The following DLG2 variants were observed in gnomAD, a reference collection of about 807,000 sequenced individuals.
DLG2 encodes the protein disks large homolog 2.
A neutral mutation model predicts 132.5 loss-of-function variants in DLG2; 45 were observed. The ratio of observed to expected loss-of-function variants is 0.34; its 90% CI spans 0.27 to 0.44. The LOEUF (loss-of-function observed/expected upper bound fraction) is 0.44, where lower values mean the gene tolerates loss of function less well. Ranked by LOEUF, DLG2 falls within the 20% of genes least tolerant of loss-of-function variation. DLG2 has a pLI of 1.00. For synonymous variants in DLG2, 424 were observed against 419.6 expected, an observed-to-expected ratio of 1.01 and a Z score of -0.13; for missense variants, 1,045 against 1,196.9, an observed-to-expected ratio of 0.87 and a Z score of 1.87.
chr11:85,287,380 G>A (rs988437858), intron 3 of DLG2, among the ~76,000 whole-genome samples: 3 of 152,034 alleles, frequency 2.0e-5, no homozygotes, highest in African/African-American at 4.8e-5. Flanking sequence ...GCATTTCACA[G>A]TAAAAGAAAT....
intron 7 of DLG2, among the ~76,000 whole-genome samples, chr11:84,287,046 C>T (rs1406822540): frequency 1.3e-5 from 2 of 152,130 alleles, no homozygotes; most frequent in Non-Finnish European, 2.9e-5. Context: ...ATGTTTATGT[C>T]ATATAATTGT....
intron 18 of DLG2, among the ~76,000 whole-genome samples, chr11:83,782,913 T>C (rs2094894557): frequency 6.6e-6 from 1 of 152,206 alleles, no homozygotes; most frequent in African/African-American, 2.4e-5. Context: ...TATATTTCCT[T>C]CTGTGAAGTG....
intron 11 of DLG2, among the ~76,000 whole-genome samples, chr11:84,033,412 C>A (rs2095765324): frequency 6.6e-6 from 1 of 152,062 alleles, no homozygotes; most frequent in Non-Finnish European, 1.5e-5. Flanking sequence ...ATAAATGGAT[C>A]CTGAAGATAT....
intron 8 of DLG2, among the ~76,000 whole-genome samples, chr11:84,165,687 C>T (rs1160607002): frequency 6.6e-6 from 1 of 152,082 alleles, no homozygotes; most frequent in Non-Finnish European, 1.5e-5. Context: ...ATCACAAAAT[C>T]AGGAGTTCGA....
chr11:83,979,885 T>C (rs1291306792), intron 12 of DLG2, among the ~76,000 whole-genome samples: 2 of 152,178 alleles, frequency 1.3e-5, no homozygotes, highest in Admixed American at 1.3e-4. Context: ...AGGAGACACA[T>C]TATGTTGGAA....
chr11:84,273,429 G>A (rs1185239909), intron 7 of DLG2: 1 of 1,104,990 alleles, frequency 9.0e-7, no homozygotes, highest in Non-Finnish European at 1.2e-6. Flanking sequence ...TCTTTTGGGG[G>A]ATAACTGGGC....
intron 15 of DLG2, among the ~76,000 whole-genome samples, chr11:83,919,228 C>T (rs1053924072): frequency 1.3e-5 from 2 of 152,120 alleles, no homozygotes; most frequent in Non-Finnish European, 2.9e-5. Flanking sequence ...CAGCTGCTTT[C>T]CTCATGTCCA....
At chr11:84,003,803 T>C (rs909365060) in intron 11 of DLG2, among the ~76,000 whole-genome samples, 1 of 152,110 alleles carries the variant, frequency 6.6e-6, no homozygotes, top group South Asian at 2.1e-4. Context: ...TATCAGAGAC[T>C]ATTAGGAACA....
intron 14 of DLG2, among the ~76,000 whole-genome samples, chr11:83,941,927 A>G (rs1591511653): frequency 6.6e-6 from 1 of 152,178 alleles, no homozygotes; most frequent in African/African-American, 2.4e-5. Context: ...TACACATGGC[A>G]CCGGCTACCT....
At chr11:84,170,510 C>T (rs1057400326) in intron 8 of DLG2, among the ~76,000 whole-genome samples, 4 of 152,216 alleles carry the variant, frequency 2.6e-5, no homozygotes, top group African/African-American at 9.6e-5. Context: ...GCAGCAGCTG[C>T]AGAGGTGACA....
At chr11:85,476,435 T>C (rs973273975) in intron 3 of DLG2, among the ~76,000 whole-genome samples, 1 of 152,106 alleles carries the variant, frequency 6.6e-6, no homozygotes, top group African/African-American at 2.4e-5. Context: ...TATTTTATTT[T>C]ACAATAATAA....
intron 3 of DLG2, among the ~76,000 whole-genome samples, chr11:85,496,130 G>A (rs1325810110): frequency 2.0e-5 from 3 of 152,192 alleles, no homozygotes; most frequent in East Asian, 3.9e-4. Flanking sequence ...CTGGTTGGGG[G>A]ATTTCCCTTT....
At chr11:85,167,092 A>C (rs1427987275) in intron 4 of DLG2, among the ~76,000 whole-genome samples, 1 of 152,138 alleles carries the variant, frequency 6.6e-6, no homozygotes, top group Non-Finnish European at 1.5e-5. Flanking sequence ...TCATGTACAA[A>C]ATCTGTGTCC....
At chr11:84,792,099 T>C (rs552148959) in intron 6 of DLG2, among the ~76,000 whole-genome samples, 2 of 152,322 alleles carry the variant, frequency 1.3e-5, no homozygotes, top group Admixed American at 6.5e-5. Flanking sequence ...TATGTTGTAG[T>C]ATGTTCCTTC....
chr11:84,266,991 G>C (rs2097647369), intron 7 of DLG2, among the ~76,000 whole-genome samples: 1 of 152,282 alleles, frequency 6.6e-6, no homozygotes, highest in South Asian at 2.1e-4. Flanking sequence ...GGAGATAAAA[G>C]AAACCTCCCA....
intron 21 of DLG2, among the ~76,000 whole-genome samples, chr11:83,502,542 C>T (rs985568219): frequency 6.6e-6 from 1 of 152,054 alleles, no homozygotes; most frequent in Non-Finnish European, 1.5e-5. Flanking sequence ...CCACTGAATA[C>T]TTTTGATGGG....
At chr11:84,512,140 A>G (rs774204311) in intron 7 of DLG2, among the ~76,000 whole-genome samples, 4 of 152,156 alleles carry the variant, frequency 2.6e-5, no homozygotes, top group Non-Finnish European at 5.9e-5. Flanking sequence ...GCAACAGACC[A>G]CATGGCATTT....
At chr11:84,630,518 T>C (rs2099629714) in intron 6 of DLG2, among the ~76,000 whole-genome samples, 1 of 152,156 alleles carries the variant, frequency 6.6e-6, no homozygotes, top group African/African-American at 2.4e-5. Flanking sequence ...ACAGTAACTC[T>C]TGATTGTAGG....
chr11:85,136,120 T>A (rs971998799), intron 5 of DLG2, among the ~76,000 whole-genome samples: 2 of 152,240 alleles, frequency 1.3e-5, no homozygotes, highest in African/African-American at 4.8e-5. Context: ...TAAAAGTGCT[T>A]CAGAGCAAGC....
Sources: gnomAD v4.1 joint callset for allele counts (sites outside exome capture counted in the v4.1 genomes callset) on GRCh38, gnomAD v4.1.1 for gene constraint, MANE v1.5 for transcripts, NCBI Gene and HGNC (gene_info 2026-07-23, HGNC 2026-07-21) for gene names.